Variants in BTAF1 observed in about 807,000 individuals in gnomAD.
BTAF1 encodes B-TFIID TATA-box binding protein associated factor 1.
A neutral mutation model predicts 227.1 loss-of-function variants in BTAF1; 38 were observed. The ratio of observed to expected loss-of-function variants is 0.17; its 90% CI spans 0.13 to 0.22. The LOEUF is 0.22. Among genes scored for constraint, BTAF1 ranks in the 10% least tolerant of loss-of-function variants. BTAF1 has a pLI of 1.00. For synonymous variants in BTAF1, 742 were observed against 751.9 expected (o/e 0.99, Z 0.21); for missense variants, 1,598 against 2,204.0 (o/e 0.73, Z 5.51).
intron 2 of BTAF1, among the ~76,000 whole-genome samples, chr10:91,939,622 G>C (rs547577435): frequency 6.6e-6 from 1 of 152,204 alleles, no homozygotes; most frequent in Non-Finnish European, 1.5e-5. Flanking sequence ...ATTTTTTGTA[G>C]AGATGGAGTT....
intron 3 of BTAF1, 137 bp from the exon 4 acceptor site, chr10:91,942,285 T>TAAA: frequency 1.7e-5 from 10 of 598,342 alleles, no homozygotes; most frequent in East Asian, 3.8e-5. Context: ...CCTCACTTCT[T>TAAA]AAAAAAAAAA....
chr10:91,991,255 T>C (rs1487097648), intron 20 of BTAF1, among the ~76,000 whole-genome samples: 1 of 86,056 alleles, frequency 1.2e-5, no homozygotes, highest in African/African-American at 3.0e-5. Context: ...CAAAAAAATA[T>C]ATAAATATAA....
intron 20 of BTAF1, among the ~76,000 whole-genome samples, chr10:91,991,277 T>TATATATATATATATATATATATATAA (rs1848726093): frequency 9.5e-6 from 1 of 104,988 alleles, no homozygotes; most frequent in Non-Finnish European, 2.2e-5. Context: ...TATAAATATA[T>TATATATATATATATATATATATATAA]ATATATATAT....
chr10:92,025,035 G>A (rs1851400173), intron 35 of BTAF1, 68 bp downstream of exon 35: 3 of 1,399,370 alleles, frequency 2.1e-6, no homozygotes, highest in Non-Finnish European at 2.9e-6. Context: ...TTTGCCCCAT[G>A]AAATATTTTC....
chr10:92,003,819 C>T (rs931261674), intron 25 of BTAF1, among the ~76,000 whole-genome samples: 3 of 152,108 alleles, frequency 2.0e-5, no homozygotes, highest in Admixed American at 6.5e-5. Context: ...TTTTGAGTAA[C>T]ATCCATACTG....
At position 91,959,170 on chromosome 10, in the gene BTAF1, C is replaced by T. The variant is rs1166952305; in HGVS notation, c.990+16C>T. On this transcript the variant is annotated intron_variant, in intron 9 of 37. Transcript: ENST00000265990. ...TTTAGAAGAGGTAAGTGTATTAATGCAACAATTATCACCAAGTATTAATAG... is the reference window on the plus strand; with the variant it reads ...TTTAGAAGAGGTAAGTGTATTAATGTAACAATTATCACCAAGTATTAATAG... 6.2e-7 allele frequency: 1 copy of T among 1,613,568 alleles called. No individual in the cohort carries two copies. The highest frequency in any genetic ancestry group is 1.1e-5 in the South Asian group (1 of 90,990).
chr10:91,959,908 CCAAT>C, intron 10 of BTAF1, 28 bp downstream of exon 10: 2 of 1,600,738 alleles, frequency 1.2e-6, no homozygotes, highest in Non-Finnish European at 8.5e-7. Flanking sequence ...GAGGCTTTGC[CCAAT>C]CAAATTTCAA....
intron 2 of BTAF1, among the ~76,000 whole-genome samples, chr10:91,937,247 C>T (rs1035289276): frequency 2.6e-5 from 4 of 152,082 alleles, no homozygotes; most frequent in Admixed American, 2.0e-4. Context: ...CCCACCTTGG[C>T]CTCCCAAAGT....
intron 21 of BTAF1, 46 bp from the exon 22 acceptor site, chr10:91,993,648 A>G: frequency 7.5e-7 from 1 of 1,337,254 alleles, no homozygotes. Flanking sequence ...TAAATGTATT[A>G]TGATTTTTTC....
chr10:91,975,857 C>T (rs1310225914), intron 14 of BTAF1, among the ~76,000 whole-genome samples: 1 of 152,202 alleles, frequency 6.6e-6, no homozygotes, highest in Non-Finnish European at 1.5e-5. Context: ...GCCATTTTTA[C>T]AATACAACAT....
At chr10:92,018,005 C>G (rs967860833) in intron 33 of BTAF1, among the ~76,000 whole-genome samples, 1 of 152,072 alleles carries the variant, frequency 6.6e-6, no homozygotes, top group Non-Finnish European at 1.5e-5. Flanking sequence ...TGAGACAGTC[C>G]CCTTCCTTGC....
At position 91,957,265 on chromosome 10, in the gene BTAF1, G is replaced by C; in HGVS notation, c.872G>C (p.Cys291Ser). 1 of 1,612,790 alleles carries C rather than the reference G, an allele frequency of 6.2e-7. No individual in the cohort carries two copies. Among genetic ancestry groups the C allele is most frequent in the Non-Finnish European group, 8.5e-7 (1 of 1,179,236 alleles). ...WPLESFCEELCNDLFNPSWEV... is the reference protein window; with the variant it reads ...WPLESFCEELSNDLFNPSWEV... ...TTGGAAAGCTTTTGTGAAGAACTTT[G>C]CAATGACCTTTTTAATCCCTCCTGG... Residue 291 changes from cysteine (C) to serine (S), a missense_variant, in exon 8 of 38, where the codon TGC becomes TCC. By Grantham distance (112) the Cys-to-Ser change is moderately radical (BLOSUM62 -1). Around this residue, in one of 10 missense-constraint regions of BTAF1, gnomAD observed 298 missense variants for 395.2 expected, o/e 0.75. Coordinates refer to ENST00000265990, the MANE Select transcript of BTAF1 (RefSeq NM_003972.3).
chr10:92,023,295 T>G (rs1199844337), intron 34 of BTAF1, among the ~76,000 whole-genome samples: 1 of 152,220 alleles, frequency 6.6e-6, no homozygotes, highest in Non-Finnish European at 1.5e-5. Flanking sequence ...ACATTGAGTT[T>G]GGAGTTTGCC....
chr10:91,991,810 T>TATATACACAC (rs1848802873), intron 20 of BTAF1, among the ~76,000 whole-genome samples: 1 of 21,786 alleles, frequency 4.6e-5, no homozygotes, highest in South Asian at 7.3e-4. Context: ...TATATATATA[T>TATATACACAC]ATATATATAT....
chr10:91,926,140 C>T (rs1377713416), intron 1 of BTAF1, among the ~76,000 whole-genome samples: 2 of 152,180 alleles, frequency 1.3e-5, no homozygotes, highest in South Asian at 2.1e-4. Context: ...TCTCCATGCA[C>T]GAAGCACAGT....
intron 5 of BTAF1, among the ~76,000 whole-genome samples, chr10:91,952,162 G>A (rs929753414): frequency 1.8e-5 from 2 of 108,452 alleles, no homozygotes; most frequent in Non-Finnish European, 3.7e-5. Flanking sequence ...GTGTGTGTTT[G>A]TGTGTGTGTG....
chr10:91,961,406 T>G (rs928862836), intron 11 of BTAF1, among the ~76,000 whole-genome samples: 2 of 152,014 alleles, frequency 1.3e-5, no homozygotes, highest in South Asian at 2.1e-4. Flanking sequence ...CCTTTCTGTC[T>G]CAAAAAGCAA....
intron 12 of BTAF1, 103 bp downstream of exon 12, chr10:91,962,781 A>G (rs550493717): frequency 1.9e-5 from 17 of 915,118 alleles, no homozygotes; most frequent in Non-Finnish European, 2.3e-5. Flanking sequence ...TTCATCTTCA[A>G]TTTTTTTTTT....
chr10:91,946,754 C>T (rs768754000), intron 4 of BTAF1, among the ~76,000 whole-genome samples: 1 of 151,968 alleles, frequency 6.6e-6, no homozygotes, highest in Non-Finnish European at 1.5e-5. Flanking sequence ...GTTATTTGTC[C>T]TTTTATTATA....
Sources: gnomAD v4.1 joint callset for allele counts (sites outside exome capture counted in the v4.1 genomes callset) on GRCh38, gnomAD v4.1.1 for gene constraint, gnomAD v4.1.1 regional missense constraint, MANE v1.5 for transcripts, NCBI Gene and HGNC (gene_info 2026-07-23, HGNC 2026-07-21) for gene names.